ANO9: variants seen among roughly 807,000 people sequenced by gnomAD.
The protein encoded by ANO9 is anoctamin 9.
A neutral mutation model predicts 100.5 loss-of-function variants in ANO9; 80 were observed. That is an observed-to-expected ratio of 0.80 (90% CI 0.66 to 0.96). ANO9 has a LOEUF of 0.96. Among genes scored for constraint, ANO9 ranks in the 40% least tolerant of loss-of-function variants. The probability of loss-of-function intolerance (pLI) is 0.00; values close to 1 mark genes in which losing one functional copy is unlikely to be tolerated. For missense variants in ANO9, 1,064 were observed against 1,072.7 expected (o/e 0.99, Z 0.11); for synonymous variants, 473 against 435.6 (o/e 1.09, Z -1.07).
intron 1 of ANO9, among the ~76,000 whole-genome samples, chr11:435,090 T>TA (rs1247196805): frequency 6.6e-6 from 1 of 152,094 alleles, no homozygotes; most frequent in Non-Finnish European, 1.5e-5. Flanking sequence ...AGTATTGTAG[T>TA]GTAGTGTAGT....
Position 433,871 on chromosome 11 carries a change from G to C in ANO9, c.148C>G (p.Gln50Glu). The C allele has an allele frequency of 6.4e-7, 1 of 1,563,746 alleles. No individual in the cohort carries two copies. Among genetic ancestry groups the C allele is most frequent in the Admixed American group, 1.9e-5 (1 of 51,710 alleles). Reference sequence around the variant, plus strand: ...TCCAGGAACTGTTGCTGCCGCGCCTGCCGGGGGTCTCTCTGGGTGTGACGT... The same window carrying C: ...TCCAGGAACTGTTGCTGCCGCGCCTCCCGGGGGTCTCTCTGGGTGTGACGT... ...AQRHTQRDPR[Q>E]ARQQQFLEEL... is the part of the protein sequence containing the mutation. The change falls in exon 3 of 23, where the codon CAG (glutamine) becomes GAG (glutamate). Residue 50 changes from glutamine to glutamate, a missense_variant. By Grantham distance (29) the Gln-to-Glu change is conservative (BLOSUM62 2). Transcript: ENST00000332826.
At chr11:426,699 C>T (rs1204787829) in intron 15 of ANO9, among the ~76,000 whole-genome samples, 1 of 152,172 alleles carries the variant, frequency 6.6e-6, no homozygotes, top group Non-Finnish European at 1.5e-5. Flanking sequence ...GGGGGAGACA[C>T]TCAGGAAGCA....
At position 433,317 on chromosome 11, in the gene ANO9, G is replaced by A. The variant is rs145422022; in HGVS notation, c.347C>T (p.Thr116Met). Residue 116 changes from threonine (T) to methionine (M), a missense_variant, in exon 4 of 23, where the codon ACG becomes ATG. By Grantham distance (81) the Thr-to-Met change is moderately conservative. Coordinates refer to ENST00000332826, the MANE Select transcript of ANO9 (RefSeq NM_001012302.3). ...LAAPTTIPVT[T>M]SLRIRIVNFV... ...GGCTCTGGGTGCAGCCTCTCACCTC[G>A]TGGTGACCGGGATGGTGGTCGGCGC... 18 of 1,611,660 alleles carry A rather than the reference G, an allele frequency of 1.1e-5. No homozygotes were observed. Among genetic ancestry groups the A allele is most frequent in the African/African-American group, 2.7e-5 (2 of 74,864 alleles).
At position 431,674 on chromosome 11, in the gene ANO9, C is replaced by A. The variant is rs767348152; in HGVS notation, c.539+20G>T. The A allele has an allele frequency of 6.2e-7, 1 of 1,611,454 alleles. No homozygotes were observed. The highest frequency in any genetic ancestry group is 8.5e-7 in the Non-Finnish European group (1 of 1,179,218). The stretch of plus-strand genomic sequence containing the variant: ...CGGGGCCGTCCGCGGGGTTCCTGTG[C>A]TCTCTTTGGGCAGCGTTACCTGATT... On this transcript the variant is annotated intron_variant, in intron 7 of 22. Transcript: ENST00000332826.
At chr11:439,955 C>T (rs534344811) in intron 1 of ANO9, among the ~76,000 whole-genome samples, 17 of 152,340 alleles carry the variant, frequency 1.1e-4, no homozygotes, top group East Asian at 1.9e-4. Context: ...CGTTCGTGGA[C>T]GCAGGGGCGG....
chr11:431,314 G>GC (rs1367521831), intron 7 of ANO9, among the ~76,000 whole-genome samples: 1 of 60,958 alleles, frequency 1.6e-5, no homozygotes, highest in Non-Finnish European at 3.1e-5. Context: ...GTATCTGGGG[G>GC]GCTTCTGCGG....
chr11:429,516 C>G, intron 11 of ANO9, 54 bp downstream of exon 11: 1 of 1,600,676 alleles, frequency 6.2e-7, no homozygotes, highest in Admixed American at 1.7e-5. Flanking sequence ...GGGCATCGGG[C>G]GCCAACAGCC....
At chr11:423,972 G>T (rs778666362) in intron 15 of ANO9, among the ~76,000 whole-genome samples, 1 of 151,480 alleles carries the variant, frequency 6.6e-6, no homozygotes, top group Non-Finnish European at 1.5e-5. Context: ...GCAATGGTGC[G>T]ATTTCAGTTC....
In ANO9 at chr11:421,191, C is replaced by T. The variant is rs902906626; in HGVS notation, c.1342G>A (p.Gly448Ser). Residue 448 changes from glycine to serine, a missense_variant, in exon 16 of 23, where the codon GGC becomes AGC. By Grantham distance (56) the Gly-to-Ser change is moderately conservative. Transcript: ENST00000332826. The surrounding 1 kb of genome is among the most constrained non-coding windows in gnomAD (Gnocchi z 6.8). ...AGGCGCGTGGACTTCCCGGGGTGGC[C>T]GTTGATCCTGGGGAGGAAGGGGAAG... ...YIAFILGRIN[G>S]HPGKSTRLAG... The T allele has an allele frequency of 6.5e-6, 10 of 1,550,040 alleles. No individual in the cohort carries two copies. Among genetic ancestry groups the T allele is most frequent in the South Asian group, 6.1e-5 (5 of 82,058 alleles).
chr11:430,216 C>T (rs1167909204), intron 8 of ANO9, 37 bp from the exon 9 acceptor site: 2 of 1,550,444 alleles, frequency 1.3e-6, no homozygotes, highest in South Asian at 1.2e-5. Flanking sequence ...TCGGCTCCTC[C>T]AGGCAGCAGG....
chr11:432,220 C>T lies in ANO9; in HGVS notation c.351-166G>A. ...AGAATCCACAACTCACCCGGGAGCCCACCCCGCACCCTCCTTAAAGTGCTC... is the reference window on the plus strand; with the variant it reads ...AGAATCCACAACTCACCCGGGAGCCTACCCCGCACCCTCCTTAAAGTGCTC... On this transcript the variant is annotated intron_variant, in intron 4 of 22. Coordinates refer to ENST00000332826, the MANE Select transcript of ANO9 (RefSeq NM_001012302.3). The surrounding 1 kb of genome is among the most constrained non-coding windows in gnomAD (Gnocchi z 4.8). 2.9e-6 allele frequency: 2 copies of T among 690,132 alleles called. No individual in the cohort carries two copies. Among genetic ancestry groups the T allele is most frequent in the Non-Finnish European group, 2.4e-6 (1 of 413,564 alleles). The allele number at this position is 690,132 out of a possible 1,614,324, so 42.8% of individuals were successfully genotyped here.
At chr11:437,105 G>C (rs999236004) in intron 1 of ANO9, among the ~76,000 whole-genome samples, 1 of 148,688 alleles carries the variant, frequency 6.7e-6, no homozygotes, top group Non-Finnish European at 1.5e-5. Context: ...TCAGATCAGC[G>C]GCGGCATTAG....
rs761094203 is a variant in ANO9, at chr11:421,096, G to C, written c.1392+45C>G. 18 of 1,580,854 alleles carry C rather than the reference G, an allele frequency of 1.1e-5. No homozygotes were observed. In the East Asian group the frequency reaches 2.5e-4, roughly 22 times the overall value. ...GAGGGGTCCTGGGGGACGGTCAGGG[G>C]AGCAGTGGCTCAGGGACAGGGCATG... On this transcript the variant is annotated intron_variant, in intron 16 of 22. Coordinates refer to ENST00000332826, the MANE Select transcript of ANO9 (RefSeq NM_001012302.3). The surrounding 1 kb of genome is among the most constrained non-coding windows in gnomAD (Gnocchi z 6.8).
chr11:432,051 G>A lies in ANO9; in HGVS notation c.354C>T (p.Leu118=). 6.2e-7 allele frequency: 1 copy of A among 1,612,834 alleles called. No individual in the cohort carries two copies. Among genetic ancestry groups the A allele is most frequent in the Non-Finnish European group, 8.5e-7 (1 of 1,179,746 alleles). The change falls in exon 5 of 23, where the codon CTC becomes CTT. Residue 118 remains leucine, a synonymous_variant. Coordinates refer to ENST00000332826, the MANE Select transcript of ANO9 (RefSeq NM_001012302.3). The surrounding 1 kb of genome is among the most constrained non-coding windows in gnomAD (Gnocchi z 4.8). ...CAACGAAGTTCACGATTCGGATTCT[G>A]AGACTCAAGAGCCAGAGCAGGGTGG... ...APTTIPVTTS[L]RIRIVNFVVM...
rs1337136119 is a variant in ANO9 at position 441,799 on chromosome 11, A to AC, written c.6+121dup. The AC allele has an allele frequency of 2.1e-3, 2,856 of 1,362,004 alleles. 4 individuals carry two copies. The highest frequency in any genetic ancestry group is 2.5e-3 in the Non-Finnish European group (2,516 of 1,024,212). The allele number at this position is 1,362,004 out of a possible 1,614,324, so 84.4% of individuals were successfully genotyped here. On this transcript the variant is annotated intron_variant, in intron 1 of 22. Coordinates refer to ENST00000332826, the MANE Select transcript of ANO9 (RefSeq NM_001012302.3). ...TCGCCTGACCGGGCAGCCTGCAGGG[A>AC]CCCCCCCCACACACACAGGCGCCTT...
rs1034629938 is a variant in ANO9 at position 434,196 on chromosome 11, C to A, written c.7-98G>T. On this transcript the variant is annotated intron_variant, in intron 1 of 22. Transcript: ENST00000332826. ...CTGCAGCGGACCACATGGTCACACA[C>A]CGTCCCTCCCCACAAGGAGAACAGC... The A allele has an allele frequency of 3.7e-6, 5 of 1,347,362 alleles. No homozygotes were observed. In the African/African-American group the frequency reaches 7.3e-5, roughly 20 times the overall value. The allele number at this position is 1,347,362 out of a possible 1,614,324, so 83.5% of individuals were successfully genotyped here. A position where few individuals can be genotyped will look rare whatever the true frequency, so the allele number is the denominator to read the frequency against.
In ANO9 at chr11:421,652, A is replaced by G. The variant is rs1016904271; in HGVS notation, c.1335-454T>C. ...ACGAACCGCACCTGCACGTGGGCGC[A>G]CACACACACACACAGGCAAGGCCAC... On this transcript the variant is annotated intron_variant, in intron 15 of 22. Coordinates refer to ENST00000332826, the MANE Select transcript of ANO9 (RefSeq NM_001012302.3). The surrounding 1 kb of genome is among the most constrained non-coding windows in gnomAD (Gnocchi z 6.8). Among the ~76,000 whole-genome samples, 9 of 150,928 alleles carry G rather than the reference A, an allele frequency of 6.0e-5. No homozygotes were observed. In the South Asian group the frequency reaches 8.4e-4, roughly 14 times the overall value.
At position 420,526 on chromosome 11, in the gene ANO9, G is replaced by C. The variant is rs201916520; in HGVS notation, c.1723C>G (p.Leu575Val). 6.2e-7 allele frequency: 1 copy of C among 1,606,042 alleles called. No homozygotes were observed. Among genetic ancestry groups the C allele is most frequent in the African/African-American group, 1.3e-5 (1 of 75,028 alleles). Residue 575 changes from leucine (L) to valine (V), a missense_variant, in exon 19 of 23, where the codon CTG becomes GTG. Transcript: ENST00000332826. Reference sequence around the variant, plus strand: ...AACCAGACCATCTTGATGGCGTCCAGGCGGATCTCCACGAGGTTGCTGAAG... The same window carrying C: ...AACCAGACCATCTTGATGGCGTCCACGCGGATCTCCACGAGGTTGCTGAAG... ...ALFSNLVEIR[L>V]DAIKMVWLQR...
Position 418,258 on chromosome 11 carries a change from A to C in ANO9, c.*113T>G. On this transcript the variant is annotated 3_prime_UTR_variant, in exon 23 of 23. Coordinates refer to ENST00000332826, the MANE Select transcript of ANO9 (RefSeq NM_001012302.3). ...ACATACAGGGGATTCCTGCGGCCCCACATGGGCACAGCCTTCTCACAGCAC... is the reference window on the plus strand; with the variant it reads ...ACATACAGGGGATTCCTGCGGCCCCCCATGGGCACAGCCTTCTCACAGCAC... 1 of 1,100,852 alleles carries C rather than the reference A, an allele frequency of 9.1e-7. No individual in the cohort carries two copies. The highest frequency in any genetic ancestry group is 1.6e-5 in the South Asian group (1 of 60,880). The allele number at this position is 1,100,852 out of a possible 1,614,324, so 68.2% of individuals were successfully genotyped here.
Sources: allele counts gnomAD v4.1 joint callset (sites outside exome capture counted in the v4.1 genomes callset), GRCh38; gene constraint gnomAD v4.1.1; non-coding constraint Gnocchi (gnomAD v3.1); transcripts MANE v1.5; gene names NCBI Gene and HGNC (gene_info 2026-07-23, HGNC 2026-07-21).